ADCY9: variants seen among roughly 807,000 people sequenced by gnomAD.
ADCY9 encodes the protein adenylate cyclase type 9.
Under a neutral mutation model 101.5 loss-of-function variants are expected in ADCY9, and 50 were observed. The ratio of observed to expected loss-of-function variants is 0.49; its 90% CI spans 0.39 to 0.62. ADCY9 has a LOEUF of 0.62. Ranked by LOEUF, ADCY9 falls within the 20% of genes least tolerant of loss-of-function variation. The probability of loss-of-function intolerance (pLI) is 0.00; values close to 1 mark genes in which losing one functional copy is unlikely to be tolerated. For missense variants in ADCY9, 1,662 were observed against 1,800.4 expected, an observed-to-expected ratio of 0.92 and a Z score of 1.39; for synonymous variants, 905 against 769.3, an observed-to-expected ratio of 1.18 and a Z score of -2.92.
chr16:4,018,783 C>G (rs1480808777), intron 2 of ADCY9, among the ~76,000 whole-genome samples: 2 of 152,128 alleles, frequency 1.3e-5, no homozygotes. Context: ...GTTTACAGAG[C>G]ACATGCAGAC....
intron 2 of ADCY9, among the ~76,000 whole-genome samples, chr16:4,103,158 A>C (rs543309495): frequency 6.6e-6 from 1 of 152,340 alleles, no homozygotes; most frequent in African/African-American, 2.4e-5. Context: ...GCAATATGTA[A>C]TGGGTGTGAC....
At chr16:4,059,355 T>G (rs543542027) in intron 2 of ADCY9, among the ~76,000 whole-genome samples, 1 of 124,210 alleles carries the variant, frequency 8.1e-6, no homozygotes, top group Non-Finnish European at 1.6e-5. Flanking sequence ...CACTCCAGCC[T>G]GGGCGACACA....
chr16:4,004,091 T>A (rs1221853018), intron 3 of ADCY9, among the ~76,000 whole-genome samples: 15 of 148,898 alleles, frequency 1.0e-4, no homozygotes, highest in Admixed American at 4.0e-4. Flanking sequence ...AAAAAAAAAA[T>A]TTAAAAATTA....
chr16:3,995,612 T>A (rs1336181777), intron 3 of ADCY9, among the ~76,000 whole-genome samples: 1 of 152,036 alleles, frequency 6.6e-6, no homozygotes, highest in East Asian at 1.9e-4. Context: ...TATTTTTTTT[T>A]TTTTTTGGAC....
At chr16:4,021,951 A>G (rs923744973) in intron 2 of ADCY9, among the ~76,000 whole-genome samples, 1 of 152,186 alleles carries the variant, frequency 6.6e-6, no homozygotes, top group African/African-American at 2.4e-5. Flanking sequence ...TTTCTGTGAC[A>G]TACTTAATTT....
chr16:3,999,813 C>T (rs554330870), intron 3 of ADCY9, among the ~76,000 whole-genome samples: 2 of 152,316 alleles, frequency 1.3e-5, no homozygotes, highest in East Asian at 3.9e-4. Context: ...GGCACATTTG[C>T]ATTTGTTTTT....
At chr16:4,063,106 C>A (rs1315589199) in intron 2 of ADCY9, among the ~76,000 whole-genome samples, 7 of 152,108 alleles carry the variant, frequency 4.6e-5, no homozygotes, top group Admixed American at 4.6e-4. Flanking sequence ...GGTCATAAAA[C>A]AAGTATCAAT....
At chr16:4,059,192 C>T (rs539394133) in intron 2 of ADCY9, among the ~76,000 whole-genome samples, 2 of 151,604 alleles carry the variant, frequency 1.3e-5, no homozygotes, top group African/African-American at 4.8e-5. Context: ...TCGAGACCAG[C>T]CTGGCCAACA....
At chr16:4,094,623 T>C (rs2056991826) in intron 2 of ADCY9, among the ~76,000 whole-genome samples, 1 of 145,728 alleles carries the variant, frequency 6.9e-6, no homozygotes, top group African/African-American at 2.6e-5. Flanking sequence ...AAGACCCCCA[T>C]CTCTAATAAG....
chr16:3,954,715 C>T lies in ADCY9; in HGVS notation c.568-1199G>A, dbSNP rs144060039. 1.2e-3 allele frequency among the ~76,000 whole-genome samples: 184 copies of T among 152,188 alleles called. 1 individual carries two copies. Among genetic ancestry groups the T allele is most frequent in the African/African-American group, 4.2e-3 (175 of 41,508 alleles). On this transcript the variant is annotated intron_variant, in intron 5 of 5. Coordinates refer to the ADCY9 transcript ENST00000576936. Reference sequence around the variant, plus strand: ...GAGTAAGGGAAGGAAGAGGCCATCTCAGAGCAGCCGCAACACTGGAGTCCA... The same window carrying T: ...GAGTAAGGGAAGGAAGAGGCCATCTTAGAGCAGCCGCAACACTGGAGTCCA...
In ADCY9 at chr16:3,964,140, G is replaced by A. The variant is rs2238432; in HGVS notation, c.*1635C>T. The A allele has an allele frequency of 0.11, 16,016 of 152,308 alleles. 1,652 individuals are homozygous for A. Among genetic ancestry groups the A allele is most frequent in the African/African-American group, 0.26 (10,781 of 41,502 alleles). 9.4% of individuals were successfully genotyped at this position (152,308 alleles called of 1,614,324 possible). A position where few individuals can be genotyped will look rare whatever the true frequency, so the allele number is the denominator to read the frequency against. On this transcript the variant is annotated 3_prime_UTR_variant, in exon 11 of 11. Transcript: ENST00000294016. ...CTCTGGGGAGGAGTAGTGATGATGG[G>A]GACTGATGCGGTGTGAAAACGAGAC... is the stretch of plus-strand genomic sequence containing the variant.
chr16:4,019,668 C>A (rs1195267907), intron 2 of ADCY9, among the ~76,000 whole-genome samples: 1 of 152,156 alleles, frequency 6.6e-6, no homozygotes, highest in Non-Finnish European at 1.5e-5. Context: ...TCTGCACAGA[C>A]CCTGGAAAAA....
chr16:3,979,406 G>C, intron 7 of ADCY9, 131 bp from the exon 8 acceptor site: 1 of 1,091,746 alleles, frequency 9.2e-7, no homozygotes. Flanking sequence ...GGGCGTGAGA[G>C]CAGGCGTGGG....
chr16:3,989,276 T>A (rs1237955465), intron 5 of ADCY9, among the ~76,000 whole-genome samples, 180 bp from the exon 6 acceptor site: 2 of 152,202 alleles, frequency 1.3e-5, no homozygotes, highest in African/African-American at 2.4e-5. Flanking sequence ...CTGTGGAAAG[T>A]CCTTCGCACC....
At chr16:3,973,566 A>G (rs1045115944) in intron 10 of ADCY9, among the ~76,000 whole-genome samples, 7 of 151,928 alleles carry the variant, frequency 4.6e-5, no homozygotes, top group African/African-American at 1.7e-4. Context: ...GGACACCATC[A>G]CAGCTCAATG....
intron 2 of ADCY9, among the ~76,000 whole-genome samples, chr16:4,097,487 T>TATATACACACACACACACACAC (rs76750792): frequency 1.4e-5 from 1 of 72,508 alleles, no homozygotes; most frequent in African/African-American, 5.2e-5. Flanking sequence ...TATATATATA[T>TATATACACACACACACACACAC]ACACACACAC....
At chr16:3,984,308 G>C (rs540401015) in intron 6 of ADCY9, among the ~76,000 whole-genome samples, 1 of 152,206 alleles carries the variant, frequency 6.6e-6, no homozygotes, top group Non-Finnish European at 1.5e-5. Flanking sequence ...GGAAGTGGCC[G>C]ACGGGGATTT....
intron 2 of ADCY9, among the ~76,000 whole-genome samples, chr16:4,049,934 G>A (rs928270171): frequency 9.2e-5 from 14 of 152,062 alleles, no homozygotes; most frequent in African/African-American, 3.4e-4. Flanking sequence ...AGGAAGCTAG[G>A]GTGGGAGGAC....
At chr16:3,997,912 G>T (rs925901649) in intron 3 of ADCY9, among the ~76,000 whole-genome samples, 1 of 152,058 alleles carries the variant, frequency 6.6e-6, no homozygotes, top group African/African-American at 2.4e-5. Context: ...TGGTCAACAT[G>T]GCAAAACCCT....
Sources: gnomAD v4.1 joint callset for allele counts (sites outside exome capture counted in the v4.1 genomes callset) on GRCh38, gnomAD v4.1.1 for gene constraint, MANE v1.5 for transcripts, NCBI Gene and HGNC (gene_info 2026-07-23, HGNC 2026-07-21) for gene names.